SYNPR: variants seen among roughly 807,000 people sequenced by gnomAD.
SYNPR encodes the protein synaptoporin.
In SYNPR, 23 loss-of-function variants were observed where a neutral mutation model predicts 32.9. The observed-to-expected ratio is 0.70, with a 90% CI of 0.50 to 0.99. The LOEUF is 0.99. Among genes scored for constraint, SYNPR ranks in the 50% least tolerant of loss-of-function variants. SYNPR has a pLI of 0.00. For missense variants in SYNPR, 318 were observed against 349.3 expected (o/e 0.91, Z 0.71); for synonymous variants, 146 against 135.9 (o/e 1.07, Z -0.52).
At chr3:63,494,244 T>C (rs900121195) in intron 3 of SYNPR, among the ~76,000 whole-genome samples, 12 of 151,192 alleles carry the variant, frequency 7.9e-5, no homozygotes, top group Admixed American at 4.6e-4. Flanking sequence ...GTGGTAGTAA[T>C]AGGTGAACAG....
At chr3:63,420,355 G>T in intron 2 of SYNPR, among the ~76,000 whole-genome samples, 1 of 152,244 alleles carries the variant, frequency 6.6e-6, no homozygotes, top group South Asian at 2.1e-4. Context: ...CAAGGTATTG[G>T]TATAGCAGTA....
At chr3:63,304,659 T>C (rs1216879997) in intron 2 of SYNPR, among the ~76,000 whole-genome samples, 1 of 152,004 alleles carries the variant, frequency 6.6e-6, no homozygotes, top group African/African-American at 2.4e-5. Flanking sequence ...TTCTTTCTCT[T>C]GGGACTATAA....
At chr3:63,325,931 G>A (rs928675575) in intron 2 of SYNPR, among the ~76,000 whole-genome samples, 1 of 151,808 alleles carries the variant, frequency 6.6e-6, no homozygotes, top group African/African-American at 2.4e-5. Context: ...CTATAAAAGT[G>A]GATTCATTCT....
At chr3:63,430,573 T>C (rs1418741319) in intron 2 of SYNPR, among the ~76,000 whole-genome samples, 1 of 152,226 alleles carries the variant, frequency 6.6e-6, no homozygotes, top group Non-Finnish European at 1.5e-5. Flanking sequence ...TGGTTGGTAA[T>C]ATCCAATTAA....
intron 3 of SYNPR, among the ~76,000 whole-genome samples, chr3:63,555,939 T>C (rs1205369151): frequency 6.6e-6 from 1 of 152,154 alleles, no homozygotes; most frequent in Non-Finnish European, 1.5e-5. Context: ...GGAAAGGAGC[T>C]CCTTTTGATT....
chr3:63,573,586 C>T (rs758531513), intron 4 of SYNPR, among the ~76,000 whole-genome samples: 4 of 152,168 alleles, frequency 2.6e-5, no homozygotes, highest in Non-Finnish European at 4.4e-5. Flanking sequence ...TACGTCCTCC[C>T]TCTGTTTTAT....
intron 2 of SYNPR, among the ~76,000 whole-genome samples, chr3:63,319,728 C>T (rs1414896579): frequency 6.6e-6 from 1 of 151,792 alleles, no homozygotes; most frequent in Admixed American, 6.6e-5. Context: ...AATGCAATTC[C>T]TATCAAAATA....
chr3:63,241,208 A>G (rs939870724), intron 1 of SYNPR, among the ~76,000 whole-genome samples: 3 of 152,140 alleles, frequency 2.0e-5, no homozygotes, highest in African/African-American at 7.2e-5. Flanking sequence ...GGGATGGCAA[A>G]TGGAGAGGTC....
the SYNPR span, among the ~76,000 whole-genome samples, chr3:63,207,129 A>G: frequency 4.6e-5 from 7 of 152,224 alleles, no homozygotes; most frequent in African/African-American, 1.7e-4. Flanking sequence ...TATTCTTGTC[A>G]TTCTTTTAAC....
At chr3:63,274,200 G>GT (rs147382371), upstream of SYNPR, among the ~76,000 whole-genome samples, 4,375 of 152,184 alleles carry the variant, frequency 0.029, 184 homozygotes, top group African/African-American at 0.092. Flanking sequence ...TTTTAAATTA[G>GT]TTTTTTGTCT....
At chr3:63,415,308 T>C (rs1353608406) in intron 2 of SYNPR, among the ~76,000 whole-genome samples, 1 of 152,186 alleles carries the variant, frequency 6.6e-6, no homozygotes, top group African/African-American at 2.4e-5. Context: ...AATAGGCAAA[T>C]GCCATAAATT....
intron 2 of SYNPR, among the ~76,000 whole-genome samples, chr3:63,386,943 T>G (rs2088054070): frequency 6.6e-6 from 1 of 152,156 alleles, no homozygotes; most frequent in South Asian, 2.1e-4. Context: ...TTCCAGATAA[T>G]TAGGATATTT....
intron 3 of SYNPR, among the ~76,000 whole-genome samples, chr3:63,481,947 G>T (rs553889999): frequency 7.9e-5 from 12 of 152,254 alleles, no homozygotes; most frequent in South Asian, 6.2e-4. Context: ...AAGAGATGTG[G>T]CAGGAGCAGG....
At chr3:63,552,615 A>G (rs189247290) in intron 3 of SYNPR, among the ~76,000 whole-genome samples, 1 of 152,310 alleles carries the variant, frequency 6.6e-6, no homozygotes, top group Admixed American at 6.5e-5. Context: ...AGAGGTTTCA[A>G]TTCAGTAGAT....
At chr3:63,503,164 C>T (rs192206555) in intron 3 of SYNPR, among the ~76,000 whole-genome samples, 102 of 152,120 alleles carry the variant, frequency 6.7e-4, no homozygotes, top group Non-Finnish European at 1.2e-3. Flanking sequence ...GTAATTGTAT[C>T]TCATTCTTTT....
At chr3:63,575,522 C>A (rs145050780) in intron 4 of SYNPR, among the ~76,000 whole-genome samples, 6 of 152,312 alleles carry the variant, frequency 3.9e-5, no homozygotes, top group African/African-American at 1.4e-4. Context: ...ATACGCTTCT[C>A]ATGGCTCCAA....
chr3:63,532,147 C>G (rs952024829), intron 3 of SYNPR, among the ~76,000 whole-genome samples: 5 of 152,166 alleles, frequency 3.3e-5, no homozygotes, highest in African/African-American at 9.7e-5. Flanking sequence ...TGGAAAGGAG[C>G]ATTGGCTAAT....
chr3:63,389,364 A>T (rs1560213778), intron 2 of SYNPR, among the ~76,000 whole-genome samples: 1 of 152,186 alleles, frequency 6.6e-6, no homozygotes, highest in Admixed American at 6.5e-5. Context: ...GTCTAAAATG[A>T]TGTTGTCACA....
chr3:63,210,602 C>A, the SYNPR span, among the ~76,000 whole-genome samples: 1 of 152,196 alleles, frequency 6.6e-6, no homozygotes, highest in Non-Finnish European at 1.5e-5. Context: ...CCACTCCTAA[C>A]TTTTGATGCT....
Sources: gnomAD v4.1 joint callset for allele counts (sites outside exome capture counted in the v4.1 genomes callset) on GRCh38, gnomAD v4.1.1 for gene constraint, MANE v1.5 for transcripts, NCBI Gene and HGNC (gene_info 2026-07-23, HGNC 2026-07-21) for gene names.